The following CCDC14 variants were observed in gnomAD, a reference collection of about 807,000 sequenced individuals.
CCDC14 encodes coiled-coil domain-containing protein 14.
A neutral mutation model predicts 81.4 loss-of-function variants in CCDC14; 71 were observed. The ratio of observed to expected loss-of-function variants is 0.87; its 90% CI spans 0.72 to 1.06. The LOEUF is 1.06. Ranked by LOEUF, CCDC14 falls within the 50% of genes least tolerant of loss-of-function variation. The pLI is 0.00. For missense variants in CCDC14, 1,046 were observed against 1,047.3 expected, an observed-to-expected ratio of 1.00 and a Z score of 0.02; for synonymous variants, 332 against 364.8, an observed-to-expected ratio of 0.91 and a Z score of 1.03.
Position 123,947,292 on chromosome 3 carries a change from A to G in CCDC14, c.712T>C (p.Phe238Leu). Reference protein sequence around the residue: ...SEVQTDGNSQFASQGKTVSAT... With the variant: ...SEVQTDGNSQLASQGKTVSAT... ...GAAACTGTTTTACCTTGTGATGCAA[A>G]CTGACTGTTGCCATCAGTTTGAACT... is the stretch of plus-strand genomic sequence containing the variant. Residue 238 changes from phenylalanine (F) to leucine (L), a missense_variant, in exon 8 of 13, where the codon TTT (phenylalanine) becomes CTT (leucine). Coordinates refer to ENST00000409697, the MANE Select transcript of CCDC14 (RefSeq NM_001366335.1). The G allele has an allele frequency of 6.2e-7, 1 of 1,611,500 alleles. No homozygotes were observed. The highest frequency in any genetic ancestry group is 1.1e-5 in the South Asian group (1 of 90,920).
chr3:123,957,732 C>A (rs72966965), intron 1 of CCDC14: 2 of 151,844 alleles, frequency 1.3e-5, no homozygotes, highest in African/African-American at 4.8e-5. Context: ...GGGGACAGAG[C>A]GAGAAGGGAC....
chr3:123,903,297 AACACACAC>A (rs57466490), intron 5 of CCDC14, among the ~76,000 whole-genome samples: 5,386 of 144,238 alleles, frequency 0.037, 336 homozygotes, highest in African/African-American at 0.13. Context: ...TTATTTTTCA[AACACACAC>A]ACACACACAC....
At chr3:123,901,659 C>G (rs1047705494) in intron 5 of CCDC14, among the ~76,000 whole-genome samples, 2 of 152,102 alleles carry the variant, frequency 1.3e-5, no homozygotes, top group Non-Finnish European at 2.9e-5. Context: ...AAAAGGTAGG[C>G]ATACTCAGCC....
intron 9 of CCDC14, among the ~76,000 whole-genome samples, chr3:123,939,747 C>A (rs763971315): frequency 9.2e-5 from 14 of 151,776 alleles, no homozygotes; most frequent in Non-Finnish European, 1.9e-4. Context: ...GTGTTAGGCA[C>A]AATTCCTAGC....
At chr3:123,932,942 T>C (rs2035828938) in intron 10 of CCDC14, among the ~76,000 whole-genome samples, 1 of 151,644 alleles carries the variant, frequency 6.6e-6, no homozygotes. Flanking sequence ...CTAATAAAAA[T>C]ACAAAAATTA....
intron 5 of CCDC14, among the ~76,000 whole-genome samples, chr3:123,905,819 T>C (rs1033477486): frequency 6.6e-6 from 1 of 152,178 alleles, no homozygotes; most frequent in Non-Finnish European, 1.5e-5. Flanking sequence ...TAACAGTCCA[T>C]GCTAAAGGTA....
Position 123,915,313 on chromosome 3 carries a change from A to C in CCDC14, c.2184T>G (p.Asn728Lys), listed in dbSNP as rs1217146956. 1.2e-6 allele frequency: 2 copies of C among 1,613,958 alleles called. No individual in the cohort carries two copies. Among genetic ancestry groups the C allele is most frequent in the Non-Finnish European group, 1.7e-6 (2 of 1,179,902 alleles). ...TTCTAGCAAAAGGAATGTAAATTGTATTATCCAAATTATGCTCATCTTCTA... is the reference window on the plus strand; with the variant it reads ...TTCTAGCAAAAGGAATGTAAATTGTCTTATCCAAATTATGCTCATCTTCTA... ...ALIEDEHNLD[N>K]TIYIPFARST... The change falls in exon 13 of 13, where the codon AAT becomes AAG. Residue 728 changes from asparagine (N) to lysine (K), a missense_variant. Coordinates refer to ENST00000409697, the MANE Select transcript of CCDC14 (RefSeq NM_001366335.1).
chr3:123,900,257 A>AT (rs1163454148), intron 5 of CCDC14, among the ~76,000 whole-genome samples: 1 of 152,230 alleles, frequency 6.6e-6, no homozygotes, highest in Non-Finnish European at 1.5e-5. Context: ...TACTTTGGGA[A>AT]TTTTTTGTTC....
chr3:123,911,818 T>C (rs967949795), downstream of CCDC14, among the ~76,000 whole-genome samples: 2 of 152,206 alleles, frequency 1.3e-5, no homozygotes, highest in Admixed American at 1.3e-4. Flanking sequence ...CCTTTTTACC[T>C]AAGCAGGTTT....
intron 1 of CCDC14, among the ~76,000 whole-genome samples, chr3:123,959,231 A>G (rs1232270777): frequency 6.6e-6 from 1 of 152,184 alleles, no homozygotes; most frequent in Non-Finnish European, 1.5e-5. Flanking sequence ...TTTCCATAGC[A>G]GCTATACCAT....
chr3:123,950,416 G>GCGAGAAA (rs1559802638), intron 5 of CCDC14, among the ~76,000 whole-genome samples: 1 of 152,164 alleles, frequency 6.6e-6, no homozygotes, highest in Non-Finnish European at 1.5e-5. Context: ...TGGATAAACT[G>GCGAGAAA]TGGTATACTC....
At chr3:123,931,656 T>C in intron 10 of CCDC14, 130 bp from the exon 11 acceptor site, 1 of 593,604 alleles carries the variant, frequency 1.7e-6, no homozygotes, top group Non-Finnish European at 2.9e-6. Flanking sequence ...ATTAATTGCA[T>C]GAGCAGTTCT....
chr3:123,900,510 T>C (rs1229797440), intron 5 of CCDC14, among the ~76,000 whole-genome samples: 3 of 152,214 alleles, frequency 2.0e-5, no homozygotes, highest in Non-Finnish European at 1.5e-5. Flanking sequence ...CACTTTTCCT[T>C]CCTGGTAATG....
chr3:123,947,991 C>T (rs1030958103), intron 7 of CCDC14, among the ~76,000 whole-genome samples: 10 of 151,978 alleles, frequency 6.6e-5, no homozygotes, highest in Admixed American at 2.0e-4. Context: ...TAAGTGAAAG[C>T]AGCAGTATAT....
At chr3:123,945,868 G>A (rs76735956) in intron 8 of CCDC14, among the ~76,000 whole-genome samples, 2,612 of 152,212 alleles carry the variant, frequency 0.017, 65 homozygotes, top group African/African-American at 0.059. Context: ...CGGAGTCTCA[G>A]TTTCCTCATC....
At chr3:123,945,072 T>A in intron 8 of CCDC14, 82 bp from the exon 9 acceptor site, 1 of 784,488 alleles carries the variant, frequency 1.3e-6, no homozygotes, top group Non-Finnish European at 1.9e-6. Context: ...AAAAAGAAAA[T>A]CTTTATAGAT....
At position 123,931,102 on chromosome 3, in the gene CCDC14, C is replaced by T. The variant is rs1257646340; in HGVS notation, c.1778G>A (p.Arg593Lys). 1.3e-6 allele frequency: 2 copies of T among 1,564,224 alleles called. No individual in the cohort carries two copies. Among genetic ancestry groups the T allele is most frequent in the African/African-American group, 1.4e-5 (1 of 72,082 alleles). Residue 593 changes from arginine to lysine, a missense_variant and splice_region_variant, in exon 12 of 13, where the codon AGA becomes AAA. Transcript: ENST00000409697. ...AEVTRLRELTRTLQTSMAKLL... is the reference protein window; with the variant it reads ...AEVTRLRELTKTLQTSMAKLL... ...GTTATTCAAAGGAAGTCAATTTTAC[C>T]TGGTTAATTCTCTTAGTCGAGTCAC...
intron 5 of CCDC14, chr3:123,953,868 C>G (rs2037179413): frequency 6.6e-6 from 1 of 152,206 alleles, no homozygotes; most frequent in African/African-American, 2.4e-5. Context: ...CTCTGCTGCT[C>G]TGCTGCTAGC....
chr3:123,949,782 T>A (rs544721647), intron 5 of CCDC14, among the ~76,000 whole-genome samples: 1 of 152,352 alleles, frequency 6.6e-6, no homozygotes, highest in East Asian at 1.9e-4. Context: ...AAGGCTCATC[T>A]GAGTTTTCTT....
Sources: allele counts gnomAD v4.1 joint callset (sites outside exome capture counted in the v4.1 genomes callset), GRCh38; gene constraint gnomAD v4.1.1; transcripts MANE v1.5; gene names NCBI Gene and HGNC (gene_info 2026-07-23, HGNC 2026-07-21).